Variants in NOX4 observed in about 807,000 individuals in gnomAD.
NOX4 encodes the protein NADPH oxidase 4.
A neutral mutation model predicts 87.6 loss-of-function variants in NOX4; 69 were observed. The observed-to-expected ratio is 0.79, with a 90% confidence interval of 0.65 to 0.96. The LOEUF is 0.96. Ranked by LOEUF, NOX4 falls within the 40% of genes least tolerant of loss-of-function variation. The pLI is 0.00. For synonymous variants in NOX4, 275 were observed against 238.2 expected (o/e 1.15, Z -1.42); for missense variants, 680 against 681.5 (o/e 1.00, Z 0.02).
At chr11:89,514,064 T>C in the NOX4 span, among the ~76,000 whole-genome samples, 2 of 152,054 alleles carry the variant, frequency 1.3e-5, no homozygotes, top group African/African-American at 2.4e-5. Context: ...TGATATTCTA[T>C]TAAAGCAGCA....
intron 2 of NOX4, among the ~76,000 whole-genome samples, chr11:89,482,920 G>A (rs570926341): frequency 9.2e-5 from 14 of 152,154 alleles, no homozygotes; most frequent in African/African-American, 3.4e-4. Context: ...CACCTGGAAA[G>A]CAGAGTGATT....
chr11:89,543,260 T>C, the NOX4 span, among the ~76,000 whole-genome samples: 4 of 152,214 alleles, frequency 2.6e-5, no homozygotes, highest in African/African-American at 9.6e-5. Flanking sequence ...TTGTCAAGAA[T>C]TGACAAGATG....
intron 7 of NOX4, among the ~76,000 whole-genome samples, chr11:89,429,451 A>G (rs1943652290): frequency 6.6e-6 from 1 of 152,214 alleles, no homozygotes; most frequent in Admixed American, 6.5e-5. Context: ...AACAAAATTG[A>G]TAGACCGCTA....
intron 12 of NOX4, among the ~76,000 whole-genome samples, chr11:89,365,821 C>T (rs1157082406): frequency 7.0e-6 from 1 of 142,188 alleles, no homozygotes; most frequent in East Asian, 2.1e-4. Flanking sequence ...ATCTAAAGAA[C>T]CGAGCAAATA....
chr11:89,564,538 A>G, the NOX4 span, among the ~76,000 whole-genome samples: 1 of 152,120 alleles, frequency 6.6e-6, no homozygotes, highest in African/African-American at 2.4e-5. Flanking sequence ...CAGGGACACA[A>G]ATCCAAACCA....
chr11:89,449,607 A>G, intron 3 of NOX4, 83 bp from the exon 4 acceptor site: 1 of 1,028,906 alleles, frequency 9.7e-7, no homozygotes, highest in South Asian at 1.6e-5. Context: ...TCATTATGTC[A>G]AAATTTTTAA....
chr11:89,381,723 C>T (rs916758369), intron 11 of NOX4, among the ~76,000 whole-genome samples: 14 of 152,322 alleles, frequency 9.2e-5, no homozygotes, highest in South Asian at 4.1e-4. Flanking sequence ...GATCAATCCC[C>T]TGTCCTCCTG....
intron 13 of NOX4, among the ~76,000 whole-genome samples, chr11:89,353,525 C>T (rs1215018428): frequency 6.6e-6 from 1 of 152,074 alleles, no homozygotes; most frequent in Non-Finnish European, 1.5e-5. Context: ...TAGGCTACTG[C>T]ACACTTAAAA....
chr11:89,335,191 G>T (rs2135372376), intron 17 of NOX4, among the ~76,000 whole-genome samples: 1 of 151,834 alleles, frequency 6.6e-6, no homozygotes, highest in South Asian at 2.1e-4. Context: ...AATTCTTATA[G>T]ATCAGTGCTC....
chr11:89,467,457 A>G (rs577020281), intron 2 of NOX4, among the ~76,000 whole-genome samples: 2 of 152,064 alleles, frequency 1.3e-5, no homozygotes, highest in Admixed American at 6.6e-5. Context: ...AGAAAATACC[A>G]TAAACTGTGT....
chr11:89,507,861 G>A, the NOX4 span, among the ~76,000 whole-genome samples: 56 of 151,194 alleles, frequency 3.7e-4, no homozygotes, highest in Non-Finnish European at 4.3e-4. Flanking sequence ...CTTTAAAAAC[G>A]TAAGAATTTC....
intron 8 of NOX4, among the ~76,000 whole-genome samples, chr11:89,416,117 G>A (rs1361182655): frequency 6.6e-6 from 1 of 152,064 alleles, no homozygotes; most frequent in Non-Finnish European, 1.5e-5. Context: ...GTATGACCTG[G>A]TTTTTCTATA....
the NOX4 span, chr11:89,576,776 A>G: frequency 6.6e-6 from 1 of 151,474 alleles, no homozygotes; most frequent in Non-Finnish European, 1.5e-5. Context: ...CAGAGTAAGA[A>G]TTTTTTTTTA....
intron 7 of NOX4, among the ~76,000 whole-genome samples, chr11:89,432,043 C>T (rs924408077): frequency 6.6e-6 from 1 of 152,092 alleles, no homozygotes; most frequent in African/African-American, 2.4e-5. Flanking sequence ...GAGTTCATGT[C>T]CTTTTTAGGG....
intron 11 of NOX4, among the ~76,000 whole-genome samples, chr11:89,384,809 A>C (rs2135110081): frequency 6.6e-6 from 1 of 152,184 alleles, no homozygotes; most frequent in Non-Finnish European, 1.5e-5. Flanking sequence ...CTGTCCAAAC[A>C]ACTTGACCTT....
rs926025961 is a variant in NOX4, at chr11:89,344,115, G to T, written c.1218-1922C>A. On this transcript the variant is annotated intron_variant, in intron 13 of 17. Coordinates refer to ENST00000263317, the MANE Select transcript of NOX4 (RefSeq NM_016931.5). ...AACCTGATAAATATTAGATATTTAAGAATAATATAATAAATATTATATTAT... is the reference window on the plus strand; with the variant it reads ...AACCTGATAAATATTAGATATTTAATAATAATATAATAAATATTATATTAT... Among the ~76,000 whole-genome samples the T allele has an allele frequency of 4.0e-5, 6 of 149,474 alleles. 1 individual carries two copies. Among genetic ancestry groups the T allele is most frequent in the Non-Finnish European group, 7.4e-5 (5 of 67,408 alleles).
the NOX4 span, among the ~76,000 whole-genome samples, chr11:89,549,089 A>G: frequency 6.6e-6 from 1 of 152,208 alleles, no homozygotes; most frequent in East Asian, 1.9e-4. Flanking sequence ...CAGGGAGCAA[A>G]CCAAAAGGCC....
chr11:89,531,421 C>T, the NOX4 span, among the ~76,000 whole-genome samples: 3 of 152,248 alleles, frequency 2.0e-5, no homozygotes, highest in African/African-American at 7.2e-5. Context: ...GGTCAACAGT[C>T]CTGAATTTGA....
chr11:89,506,301 A>G, the NOX4 span, among the ~76,000 whole-genome samples: 2 of 134,284 alleles, frequency 1.5e-5, no homozygotes, highest in African/African-American at 2.9e-5. Flanking sequence ...GAAAGAAAGA[A>G]AGAGAGAGAA....
Sources: allele counts gnomAD v4.1 joint callset (sites outside exome capture counted in the v4.1 genomes callset), GRCh38; gene constraint gnomAD v4.1.1; transcripts MANE v1.5; gene names NCBI Gene and HGNC (gene_info 2026-07-23, HGNC 2026-07-21).